The following DNAH17 variants were observed in gnomAD, a reference collection of about 807,000 sequenced individuals.
DNAH17 encodes dynein axonemal heavy chain 17.
A neutral mutation model predicts 485.6 loss-of-function variants in DNAH17; 376 were observed. That is an observed-to-expected ratio of 0.77 (90% CI 0.71 to 0.84). DNAH17 has a LOEUF of 0.84. Among genes scored for constraint, DNAH17 ranks in the 40% least tolerant of loss-of-function variants. The probability of loss-of-function intolerance (pLI) is 0.00; values close to 1 mark genes in which losing one functional copy is unlikely to be tolerated. For synonymous variants in DNAH17, 3,031 were observed against 2,405.9 expected (o/e 1.26, Z -7.60); for missense variants, 6,370 against 5,839.3 (o/e 1.09, Z -2.96).
At position 78,532,484 on chromosome 17, in the gene DNAH17, G is replaced by T; in HGVS notation, c.3112C>A (p.Gln1038Lys). 1.9e-6 allele frequency: 3 copies of T among 1,609,598 alleles called. No individual in the cohort carries two copies. Among genetic ancestry groups the T allele is most frequent in the Non-Finnish European group, 2.5e-6 (3 of 1,178,440 alleles). Residue 1038 changes from glutamine (Q) to lysine (K), a missense_variant and splice_region_variant, in exon 20 of 81, where the codon CAG becomes AAG. Coordinates refer to ENST00000389840, the MANE Select transcript of DNAH17 (RefSeq NM_173628.4). ...TGGTGGGTGAGGTCTGCACGCACCT[G>T]CTCCTGGAACTGAGCCAGGGTGGGC... ...TPPTLAQFQE[Q>K]IDSYEKLYEE...
In DNAH17 at chr17:78,571,707, C is replaced by G; in HGVS notation, c.615G>C (p.Arg205=). ...TTIIDWSHQI[R]DVLSKDSAQA... Reference sequence around the variant, plus strand: ...GGGCTGAGTCTTTGCTCAGCACATCCCGGATCTGGTGGGACCAGTCGATGA... The same window carrying G: ...GGGCTGAGTCTTTGCTCAGCACATCGCGGATCTGGTGGGACCAGTCGATGA... Residue 205 remains arginine (R), a synonymous_variant, in exon 4 of 81, where the codon CGG becomes CGC. Transcript: ENST00000389840. The G allele has an allele frequency of 6.2e-7, 1 of 1,613,890 alleles. No homozygotes were observed. The highest frequency in any genetic ancestry group is 8.5e-7 in the Non-Finnish European group (1 of 1,179,816).
At chr17:78,496,660 G>C (rs1465429489) in intron 37 of DNAH17, 1 of 135,608 alleles carries the variant, frequency 7.4e-6, no homozygotes, top group Non-Finnish European at 1.5e-5. Context: ...GATCTTCCCA[G>C]ATGGACTTTT....
chr17:78,576,156 A>C (rs2092429682), intron 1 of DNAH17, among the ~76,000 whole-genome samples: 1 of 152,174 alleles, frequency 6.6e-6, no homozygotes, highest in Admixed American at 6.5e-5. Context: ...GGAAGCACTC[A>C]CAAATTCTGC....
intron 16 of DNAH17, among the ~76,000 whole-genome samples, chr17:78,546,697 G>A (rs1018273739): frequency 6.6e-6 from 1 of 152,196 alleles, no homozygotes; most frequent in African/African-American, 2.4e-5. Flanking sequence ...CCTGAGGCCA[G>A]GAATTTGAGA....
chr17:78,473,492 T>C (rs1021932832), intron 54 of DNAH17, among the ~76,000 whole-genome samples: 3 of 136,782 alleles, frequency 2.2e-5, no homozygotes, highest in Non-Finnish European at 4.5e-5. Context: ...TGCAGTGAGC[T>C]GAGATCGCGC....
chr17:78,472,754 C>A (rs1490635512), intron 54 of DNAH17: 1 of 455,198 alleles, frequency 2.2e-6, no homozygotes, highest in South Asian at 1.6e-5. Context: ...GGTTTCCCCT[C>A]CCCCTCCGTT....
intron 14 of DNAH17, 117 bp from the exon 15 acceptor site, chr17:78,552,922 T>G (rs910347790): frequency 4.2e-6 from 3 of 722,648 alleles, no homozygotes; most frequent in Admixed American, 4.1e-5. Flanking sequence ...GTGTCCCCAC[T>G]CAGGTCTCAT....
chr17:78,478,413 C>A (rs992285029), intron 51 of DNAH17, among the ~76,000 whole-genome samples: 1 of 141,216 alleles, frequency 7.1e-6, no homozygotes, highest in African/African-American at 2.8e-5. Context: ...ATCACTACCA[C>A]TATCACCATC....
chr17:78,465,098 G>A (rs941630315), intron 56 of DNAH17, among the ~76,000 whole-genome samples: 5 of 152,132 alleles, frequency 3.3e-5, no homozygotes, highest in East Asian at 1.9e-4. Context: ...GCGCCGCCAC[G>A]CCTGACTGGT....
chr17:78,471,653 C>T (rs1598512839), intron 54 of DNAH17, among the ~76,000 whole-genome samples: 1 of 152,180 alleles, frequency 6.6e-6, no homozygotes, highest in African/African-American at 2.4e-5. Context: ...CTTGGCCTCT[C>T]AAAGTGCTAG....
At chr17:78,549,050 C>T (rs2091841665) in intron 16 of DNAH17, among the ~76,000 whole-genome samples, 1 of 152,208 alleles carries the variant, frequency 6.6e-6, no homozygotes, top group Non-Finnish European at 1.5e-5. Context: ...TGATTATTCT[C>T]CTTATAATGG....
chr17:78,451,780 G>A, intron 65 of DNAH17, 107 bp from the exon 66 acceptor site: 2 of 925,832 alleles, frequency 2.2e-6, no homozygotes, highest in Non-Finnish European at 3.3e-6. Flanking sequence ...CCGCCACCTT[G>A]AACCCTCCCT....
chr17:78,479,515 T>C lies in DNAH17; in HGVS notation c.7870A>G (p.Ile2624Val), dbSNP rs1269869318. The C allele has an allele frequency of 6.2e-7, 1 of 1,613,112 alleles. No homozygotes were observed. Among genetic ancestry groups the C allele is most frequent in the Non-Finnish European group, 8.5e-7 (1 of 1,179,744 alleles). Reference protein sequence around the residue: ...FRSVSMAIQRISSQLVAAALA... With the variant: ...FRSVSMAIQRVSSQLVAAALA... The stretch of plus-strand genomic sequence containing the variant: ...GCCGCGGCCACCAGCTGGCTGCTTA[T>C]CCTCTGGATAGCCATGGAGACCGAG... Residue 2624 changes from isoleucine (I) to valine (V), a missense_variant, in exon 50 of 81, where the codon ATA becomes GTA. Transcript: ENST00000389840.
intron 54 of DNAH17, among the ~76,000 whole-genome samples, chr17:78,473,147 T>C (rs985073704): frequency 6.6e-6 from 1 of 152,186 alleles, no homozygotes; most frequent in African/African-American, 2.4e-5. Context: ...AGAACGATAA[T>C]CATGTCGAAT....
At position 78,450,748 on chromosome 17, in the gene DNAH17, C is replaced by A. The variant is rs1168311667; in HGVS notation, c.10833G>T (p.Leu3611=). Residue 3611 remains leucine (L), a synonymous_variant, in exon 67 of 81, where the codon CTG becomes CTT. Coordinates refer to ENST00000389840, the MANE Select transcript of DNAH17 (RefSeq NM_173628.4). The stretch of plus-strand genomic sequence containing the variant: ...GATTCTCCACCAAGGCCGTGTCTCC[C>A]AGAAAGTTCCCCGACGCAGCCGACA... ...ARLSAASGNF[L]GDTALVENLE... 6.2e-7 allele frequency: 1 copy of A among 1,614,046 alleles called. No homozygotes were observed. Among genetic ancestry groups the A allele is most frequent in the Non-Finnish European group, 8.5e-7 (1 of 1,179,896 alleles).
chr17:78,534,517 G>T (rs1256409122), intron 19 of DNAH17, among the ~76,000 whole-genome samples: 3 of 152,214 alleles, frequency 2.0e-5, no homozygotes, highest in South Asian at 4.1e-4. Flanking sequence ...GCTCGCCTGT[G>T]CCTGACATTT....
At chr17:78,571,213 T>C in intron 5 of DNAH17, 66 bp downstream of exon 5, 3 of 1,456,910 alleles carry the variant, frequency 2.1e-6, no homozygotes, top group Non-Finnish European at 2.8e-6. Flanking sequence ...GTGACAAGTC[T>C]GACCCAGCCC....
rs768241462 is a variant in DNAH17, at chr17:78,500,479, T to C, written c.5484-18A>G. Reference sequence around the variant, plus strand: ...TATAGCACCTGCAAGTGACCACAGGTAAGCGTGTGTGCCAGCGACCCCATG... The same window carrying C: ...TATAGCACCTGCAAGTGACCACAGGCAAGCGTGTGTGCCAGCGACCCCATG... On this transcript the variant is annotated intron_variant, in intron 35 of 80. Transcript: ENST00000389840. 1.3e-6 allele frequency: 2 copies of C among 1,551,130 alleles called. No homozygotes were observed. Among genetic ancestry groups the C allele is most frequent in the East Asian group, 2.3e-5 (1 of 43,820 alleles).
At chr17:78,505,160 G>A in intron 31 of DNAH17, 133 bp downstream of exon 31, 1 of 1,176,458 alleles carries the variant, frequency 8.5e-7, no homozygotes, top group Non-Finnish European at 1.2e-6. Context: ...GAGAGGGAGA[G>A]GAGAGGAGCA....
Sources: allele counts gnomAD v4.1 joint callset (sites outside exome capture counted in the v4.1 genomes callset), GRCh38; gene constraint gnomAD v4.1.1; transcripts MANE v1.5; gene names NCBI Gene and HGNC (gene_info 2026-07-23, HGNC 2026-07-21).